Variants in EHD4 observed in about 807,000 individuals in gnomAD.
EHD4 encodes EH domain containing 4.
EHD4 carries 37 observed loss-of-function variants against 51.0 expected under a neutral mutation model. The ratio of observed to expected loss-of-function variants is 0.73; its 90% CI spans 0.56 to 0.95. The LOEUF is 0.95. Among genes scored for constraint, EHD4 ranks in the 40% least tolerant of loss-of-function variants. The probability of loss-of-function intolerance (pLI) is 0.00; values close to 1 mark genes in which losing one functional copy is unlikely to be tolerated. For missense variants in EHD4, 632 were observed against 733.1 expected (o/e 0.86, Z 1.59); for synonymous variants, 297 against 317.3 (o/e 0.94, Z 0.68).
intron 3 of EHD4, among the ~76,000 whole-genome samples, chr15:41,924,737 T>C (rs1045343406): frequency 3.9e-5 from 6 of 152,156 alleles, no homozygotes; most frequent in Non-Finnish European, 7.4e-5. Flanking sequence ...CACACGAGTA[T>C]GCAAATATGT....
chr15:41,965,409 T>C (rs1193863837), intron 1 of EHD4, among the ~76,000 whole-genome samples: 1 of 152,196 alleles, frequency 6.6e-6, no homozygotes, highest in Non-Finnish European at 1.5e-5. Context: ...TGTGAACAGA[T>C]GGGGTTTGGA....
rs1270533469 is a variant in EHD4, at chr15:41,909,645, T to G, written c.1089+54A>C. The G allele has an allele frequency of 1.9e-6, 3 of 1,600,104 alleles. No homozygotes were observed. In the Admixed American group the frequency reaches 5.0e-5, roughly 27 times the overall value. ...TTGTCTCCAGCAAACAGCCAGACAA[T>G]GTGGCACTGCACCTCTGCCCTCTGC... On this transcript the variant is annotated intron_variant, in intron 5 of 5. Coordinates refer to ENST00000220325, the MANE Select transcript of EHD4 (RefSeq NM_139265.4).
At position 41,972,543 on chromosome 15, in the gene EHD4, T is replaced by TCCCCGGCTCGCACTGAGCCG; in HGVS notation, c.-50_-49insCGGCTCAGTGCGAGCCGGGG. On this transcript the variant is annotated 5_prime_UTR_variant, in exon 1 of 6. Transcript: ENST00000220325. ...TGGGACCCTGCTCCGGGTTCGACTCTCCCCGGCTCGCACTGAGCCGCCCCG... is the reference window on the plus strand; with the variant it reads ...TGGGACCCTGCTCCGGGTTCGACTCTCCCCGGCTCGCACTGAGCCGCCCCGGCTCGCACTGAGCCGCCCCG... The TCCCCGGCTCGCACTGAGCCG allele has an allele frequency of 7.0e-7, 1 of 1,427,186 alleles. No individual in the cohort carries two copies. The highest frequency in any genetic ancestry group is 9.1e-7 in the Non-Finnish European group (1 of 1,096,424). 88.4% of individuals were successfully genotyped at this position (1,427,186 alleles called of 1,614,324 possible). A position where few individuals can be genotyped will look rare whatever the true frequency, so the allele number is the denominator to read the frequency against.
At chr15:41,943,279 G>T in intron 2 of EHD4, 115 bp from the exon 3 acceptor site, 1 of 725,454 alleles carries the variant, frequency 1.4e-6, no homozygotes, top group Non-Finnish European at 2.2e-6. Context: ...GGGCCTGAAG[G>T]AGACTGACAG....
intron 2 of EHD4, among the ~76,000 whole-genome samples, chr15:41,943,588 C>T (rs1017260394): frequency 1.2e-4 from 18 of 152,198 alleles, no homozygotes; most frequent in South Asian, 2.1e-4. Context: ...TCACTCAGAG[C>T]GGTGCCTTAA....
Position 41,919,225 on chromosome 15 carries a change from T to G in EHD4, c.909A>C (p.Arg303=), listed in dbSNP as rs774330337. 25 of 1,613,834 alleles carry G rather than the reference T, an allele frequency of 1.5e-5. No homozygotes were observed. The Admixed American group carries it at 4.2e-4, about 27-fold the overall frequency. The change falls in exon 4 of 6, where the codon CGA becomes CGC. Residue 303 remains arginine (R), a synonymous_variant. Transcript: ENST00000220325. ...AVRKLNDLIK[R]ARLAKVHAYI... ...CCTGGCTTACCTTGGCCAGCCTCGC[T>G]CGCTTGATGAGGTCGTTGAGCTTGC...
chr15:41,963,064 T>C (rs1025824633), intron 1 of EHD4, among the ~76,000 whole-genome samples: 10 of 152,156 alleles, frequency 6.6e-5, no homozygotes, highest in African/African-American at 2.4e-4. Flanking sequence ...CAGTGCAAGA[T>C]GTGCTTTGTT....
chr15:41,914,251 T>C (rs2067568509), intron 4 of EHD4, among the ~76,000 whole-genome samples: 1 of 152,196 alleles, frequency 6.6e-6, no homozygotes, highest in South Asian at 2.1e-4. Flanking sequence ...TGTGCCACGC[T>C]CATCTGCAAA....
intron 3 of EHD4, among the ~76,000 whole-genome samples, chr15:41,930,867 T>G (rs1465609990): frequency 6.6e-6 from 1 of 152,224 alleles, no homozygotes; most frequent in Admixed American, 6.5e-5. Context: ...AAGTAGCCCA[T>G]GTAGTTACCA....
rs548344046 is a variant in EHD4 at position 41,937,104 on chromosome 15, C to T, written c.511+5963G>A. 3.3e-5 allele frequency among the ~76,000 whole-genome samples: 5 copies of T among 152,326 alleles called. No homozygotes were observed. In the East Asian group the frequency reaches 5.8e-4, roughly 18 times the overall value. ...AATAAAAAAATGGCTTCATGATCCA[C>T]GCCTGTGGCTGCATGTTCTATTCTA... On this transcript the variant is annotated intron_variant, in intron 3 of 5. Transcript: ENST00000220325.
chr15:41,904,006 A>G (rs1406355075), intron 5 of EHD4, among the ~76,000 whole-genome samples: 3 of 151,828 alleles, frequency 2.0e-5, no homozygotes, highest in Admixed American at 2.0e-4. Flanking sequence ...GGCCAAGGAG[A>G]TGGAAAAGAG....
intron 3 of EHD4, among the ~76,000 whole-genome samples, chr15:41,925,733 G>T (rs531198660): frequency 1.3e-5 from 2 of 152,320 alleles, no homozygotes; most frequent in South Asian, 4.1e-4. Flanking sequence ...CTAGGAGAAA[G>T]AATTTGTCCT....
chr15:41,915,957 T>A (rs78150246), intron 4 of EHD4, among the ~76,000 whole-genome samples: 4,947 of 152,256 alleles, frequency 0.032, 285 homozygotes, highest in African/African-American at 0.11. Context: ...GGGAAGAGTA[T>A]CTATCTACTT....
chr15:41,958,070 G>A (rs1404960730), intron 1 of EHD4, among the ~76,000 whole-genome samples: 2 of 151,868 alleles, frequency 1.3e-5, no homozygotes, highest in South Asian at 2.1e-4. Flanking sequence ...CCAAAGCTAC[G>A]AGTTTCAGGG....
chr15:41,897,289 G>C lies in EHD4; in HGVS notation c.*3356C>G, dbSNP rs1048822859. Reference sequence around the variant, plus strand: ...GGCAATTGTCTCAGGCATCCTCCAGGCATCATGAAGGAGGGTGAGCGAGGG... The same window carrying C: ...GGCAATTGTCTCAGGCATCCTCCAGCCATCATGAAGGAGGGTGAGCGAGGG... On this transcript the variant is annotated 3_prime_UTR_variant, in exon 6 of 6. Transcript: ENST00000220325. 2 of 152,214 alleles carry C rather than the reference G, an allele frequency of 1.3e-5. No homozygotes were observed. The highest frequency in any genetic ancestry group is 4.8e-5 in the African/African-American group (2 of 41,434). 9.4% of individuals were successfully genotyped at this position (152,214 alleles called of 1,614,324 possible). A position where few individuals can be genotyped will look rare whatever the true frequency, so the allele number is the denominator to read the frequency against.
intron 3 of EHD4, among the ~76,000 whole-genome samples, chr15:41,931,323 G>A (rs2067696676): frequency 6.6e-6 from 1 of 152,060 alleles, no homozygotes; most frequent in Admixed American, 6.6e-5. Flanking sequence ...ACCAGCCTGG[G>A]CAACAAGGTG....
intron 3 of EHD4, among the ~76,000 whole-genome samples, chr15:41,934,051 C>T (rs2067716377): frequency 6.6e-6 from 1 of 152,184 alleles, no homozygotes; most frequent in Non-Finnish European, 1.5e-5. Flanking sequence ...CTCAAGTTCT[C>T]CCCTCCGTTC....
chr15:41,946,731 A>AATAC (rs1212677757), intron 2 of EHD4, among the ~76,000 whole-genome samples: 1 of 152,112 alleles, frequency 6.6e-6, no homozygotes, highest in Admixed American at 6.5e-5. Flanking sequence ...GTCTCAGATA[A>AATAC]ATACATACAT....
intron 2 of EHD4, among the ~76,000 whole-genome samples, chr15:41,951,282 T>C (rs1000917905): frequency 1.3e-5 from 2 of 152,220 alleles, no homozygotes; most frequent in African/African-American, 4.8e-5. Flanking sequence ...ATAAATGCCA[T>C]ATAATTATTT....
Sources: allele counts gnomAD v4.1 joint callset (sites outside exome capture counted in the v4.1 genomes callset), GRCh38; gene constraint gnomAD v4.1.1; transcripts MANE v1.5; gene names NCBI Gene and HGNC (gene_info 2026-07-23, HGNC 2026-07-21).